The following MAP2 variants were observed in gnomAD, a reference collection of about 807,000 sequenced individuals.
MAP2 encodes microtubule-associated protein 2.
A neutral mutation model predicts 137.6 loss-of-function variants in MAP2; 14 were observed. The ratio of observed to expected loss-of-function variants is 0.10; its 90% CI spans 0.07 to 0.16. MAP2 has a LOEUF of 0.16. Ranked by LOEUF, MAP2 falls within the 10% of genes least tolerant of loss-of-function variation. The pLI, the probability that MAP2 is intolerant of heterozygous loss-of-function variation, is 1.00. For synonymous variants in MAP2, 786 were observed against 782.3 expected (o/e 1.00, Z -0.08); for missense variants, 2,088 against 2,191.5 (o/e 0.95, Z 0.94).
intron 5 of MAP2, among the ~76,000 whole-genome samples, chr2:209,669,552 A>C (rs1014586180): frequency 1.3e-5 from 2 of 152,064 alleles, no homozygotes; most frequent in Admixed American, 6.6e-5. Flanking sequence ...TAATTTCAAA[A>C]GTTTATTCCA....
chr2:209,430,619 T>C (rs780434375), intron 1 of MAP2, among the ~76,000 whole-genome samples: 2 of 152,178 alleles, frequency 1.3e-5, no homozygotes, highest in African/African-American at 2.4e-5. Context: ...TTGTTCATTA[T>C]TGAAATCAAA....
At chr2:209,441,157 A>G (rs1353327098) in intron 1 of MAP2, among the ~76,000 whole-genome samples, 1 of 151,568 alleles carries the variant, frequency 6.6e-6, no homozygotes, top group African/African-American at 2.4e-5. Flanking sequence ...TTGGGAAAAG[A>G]CAGATACAAC....
At chr2:209,636,692 A>G (rs908229351) in intron 4 of MAP2, among the ~76,000 whole-genome samples, 7 of 152,088 alleles carry the variant, frequency 4.6e-5, no homozygotes, top group African/African-American at 1.4e-4. Flanking sequence ...ATTTAAATAT[A>G]CACTGTAAGA....
chr2:209,639,493 G>A (rs1186582921), intron 4 of MAP2, among the ~76,000 whole-genome samples: 1 of 152,060 alleles, frequency 6.6e-6, no homozygotes, highest in African/African-American at 2.4e-5. Flanking sequence ...TCAAACAACT[G>A]TCTCTGAGAA....
intron 1 of MAP2, among the ~76,000 whole-genome samples, chr2:209,501,694 A>G (rs1209335361): frequency 6.6e-6 from 1 of 152,202 alleles, no homozygotes; most frequent in Non-Finnish European, 1.5e-5. Context: ...TGTGTGTTTG[A>G]AATGGCAGAT....
chr2:209,628,140 A>G (rs1214480919), intron 4 of MAP2, among the ~76,000 whole-genome samples: 2 of 151,978 alleles, frequency 1.3e-5, no homozygotes, highest in South Asian at 4.1e-4. Context: ...GCCGAGGCAG[A>G]CAGATCACAA....
At position 209,460,915 on chromosome 2, in the gene MAP2, A is replaced by G. The variant is rs569306753; in HGVS notation, c.-222+36639A>G. Among the ~76,000 whole-genome samples the G allele has an allele frequency of 2.0e-4, 30 of 151,898 alleles. 2 individuals are homozygous for G. The highest frequency in any genetic ancestry group is 6.3e-4 in the African/African-American group (26 of 41,436). On this transcript the variant is annotated intron_variant, in intron 1 of 15. Transcript: ENST00000682079. ...AGGCACGCACCACCACACCCAGCTA[A>G]TTTTTGTATTTCTTGTAGAGACAGG...
intron 1 of MAP2, among the ~76,000 whole-genome samples, chr2:209,460,423 A>G (rs1179029177): frequency 1.3e-5 from 2 of 152,184 alleles, no homozygotes; most frequent in African/African-American, 2.4e-5. Context: ...CTAGAAAATC[A>G]CTGCAGTGCA....
intron 1 of MAP2, among the ~76,000 whole-genome samples, chr2:209,436,676 T>C (rs1029936162): frequency 6.6e-6 from 1 of 151,746 alleles, no homozygotes; most frequent in Admixed American, 6.6e-5. Context: ...TAGATTTCTC[T>C]CAAGTCAGAG....
At chr2:209,692,105 T>C (rs1335116418) in intron 7 of MAP2, among the ~76,000 whole-genome samples, 1 of 152,170 alleles carries the variant, frequency 6.6e-6, no homozygotes, top group Non-Finnish European at 1.5e-5. Context: ...TATATCATTG[T>C]GCATTACTTG....
chr2:209,450,995 A>G (rs1700177046), intron 1 of MAP2, among the ~76,000 whole-genome samples: 1 of 152,098 alleles, frequency 6.6e-6, no homozygotes, highest in African/African-American at 2.4e-5. Context: ...CCAAGCCATT[A>G]GCAAGTTTGA....
intron 7 of MAP2, among the ~76,000 whole-genome samples, chr2:209,691,719 A>G (rs759643565): frequency 3.3e-5 from 5 of 152,214 alleles, no homozygotes; most frequent in Admixed American, 6.5e-5. Context: ...TCTAAAGCCA[A>G]TACTGGCCAA....
intron 7 of MAP2, among the ~76,000 whole-genome samples, chr2:209,692,136 C>A (rs879778206): frequency 3.9e-5 from 6 of 151,924 alleles, no homozygotes; most frequent in Non-Finnish European, 7.4e-5. Flanking sequence ...CATAGCCTAC[C>A]AATTCATTTT....
At chr2:209,517,408 G>A (rs2062670466) in intron 2 of MAP2, among the ~76,000 whole-genome samples, 2 of 152,094 alleles carry the variant, frequency 1.3e-5, no homozygotes, top group African/African-American at 2.4e-5. Context: ...AATATCATGT[G>A]TTTTGTCACC....
intron 4 of MAP2, among the ~76,000 whole-genome samples, chr2:209,638,976 C>G (rs1329533643): frequency 6.6e-6 from 1 of 152,080 alleles, no homozygotes; most frequent in Non-Finnish European, 1.5e-5. Context: ...GATACATGCT[C>G]ATTAGAGATC....
intron 1 of MAP2, among the ~76,000 whole-genome samples, chr2:209,436,513 C>T (rs935293953): frequency 6.6e-6 from 1 of 151,722 alleles, no homozygotes; most frequent in South Asian, 2.1e-4. Context: ...ATTTTGTCAA[C>T]CCCTGGCATA....
At chr2:209,458,863 C>G (rs1290265896) in intron 1 of MAP2, among the ~76,000 whole-genome samples, 1 of 151,998 alleles carries the variant, frequency 6.6e-6, no homozygotes, top group African/African-American at 2.4e-5. Flanking sequence ...GCTCTAAGCT[C>G]TCTATACCTT....
chr2:209,613,875 C>T (rs1312146277), intron 3 of MAP2, among the ~76,000 whole-genome samples: 1 of 152,142 alleles, frequency 6.6e-6, no homozygotes, highest in Non-Finnish European at 1.5e-5. Flanking sequence ...AAGGAGTCAA[C>T]AGCCCTCACA....
chr2:209,559,906 C>A (rs976918587), intron 2 of MAP2, among the ~76,000 whole-genome samples: 35 of 152,064 alleles, frequency 2.3e-4, no homozygotes, highest in Admixed American at 1.6e-3. Context: ...GCTTCTAGGA[C>A]AAAATGAAGT....
Sources: gnomAD v4.1 joint callset for allele counts (sites outside exome capture counted in the v4.1 genomes callset) on GRCh38, gnomAD v4.1.1 for gene constraint, MANE v1.5 for transcripts, NCBI Gene and HGNC (gene_info 2026-07-23, HGNC 2026-07-21) for gene names.